DGKI: variants seen among roughly 807,000 people sequenced by gnomAD.
DGKI encodes the protein diacylglycerol kinase iota.
In DGKI, 55 loss-of-function variants were observed where a neutral mutation model predicts 147.5. The observed-to-expected ratio is 0.37, with a 90% CI of 0.30 to 0.47. The LOEUF is 0.47. DGKI is among the 20% of genes least tolerant of loss of function. The pLI is 1.00. For synonymous variants in DGKI, 469 were observed against 477.1 expected (o/e 0.98, Z 0.22); for missense variants, 1,007 against 1,323.8 (o/e 0.76, Z 3.71).
In DGKI at chr7:137,444,069, A is replaced by C. The variant is rs777691059; in HGVS notation, c.2761+8T>G. 12 of 1,563,638 alleles carry C rather than the reference A, an allele frequency of 7.7e-6. No homozygotes were observed. The highest frequency in any genetic ancestry group is 1.0e-5 in the Non-Finnish European group (12 of 1,153,892). On this transcript the variant is annotated splice_region_variant and intron_variant, in intron 28 of 32. Coordinates refer to ENST00000614521, the MANE Select transcript of DGKI (RefSeq NM_001321708.2). ...TGAATTGGTATAAATAAGACAGATG[A>C]TTCTTACCATGATCTTCTGAAGAGA...
At chr7:137,651,728 G>A (rs1822033888) in intron 5 of DGKI, among the ~76,000 whole-genome samples, 1 of 152,124 alleles carries the variant, frequency 6.6e-6, no homozygotes, top group Admixed American at 6.5e-5. Context: ...GAGGTTGGGG[G>A]AGGAAGCAAT....
At chr7:137,806,102 C>G (rs1004039615) in intron 1 of DGKI, among the ~76,000 whole-genome samples, 3 of 152,200 alleles carry the variant, frequency 2.0e-5, no homozygotes, top group African/African-American at 7.2e-5. Context: ...CTCACCGTGC[C>G]CATCCTTCTT....
intron 3 of DGKI, among the ~76,000 whole-genome samples, chr7:137,673,221 G>A (rs181035465): frequency 2.2e-4 from 34 of 152,202 alleles, no homozygotes; most frequent in African/African-American, 5.5e-4. Context: ...GTCCTGAGGC[G>A]TCAGGACTTC....
intron 1 of DGKI, among the ~76,000 whole-genome samples, chr7:137,804,416 A>C (rs1020114636): frequency 6.6e-5 from 10 of 152,226 alleles, no homozygotes; most frequent in Admixed American, 4.6e-4. Flanking sequence ...TGCCCTGTTC[A>C]TTCGTCAGAA....
chr7:137,662,709 C>G (rs1822488084), intron 3 of DGKI, among the ~76,000 whole-genome samples: 1 of 151,342 alleles, frequency 6.6e-6, no homozygotes, highest in African/African-American at 2.5e-5. Context: ...GACCTCACTC[C>G]ATGTTAAAAG....
chr7:137,574,188 G>A (rs1189430006), intron 17 of DGKI, among the ~76,000 whole-genome samples: 1 of 152,028 alleles, frequency 6.6e-6, no homozygotes, highest in African/African-American at 2.4e-5. Flanking sequence ...ATTTTCATGA[G>A]TATTCTCAAA....
Position 137,436,902 on chromosome 7 carries a change from C to A in DGKI, c.2761+7175G>T, listed in dbSNP as rs563600716. On this transcript the variant is annotated intron_variant, in intron 28 of 32. Transcript: ENST00000614521. Reference sequence around the variant, plus strand: ...AACAGACCAAGGGGAAAAAAATTGTCATCTCTCAAGATGAAGAAAAGAGTA... The same window carrying A: ...AACAGACCAAGGGGAAAAAAATTGTAATCTCTCAAGATGAAGAAAAGAGTA... Among the ~76,000 whole-genome samples, 5 of 152,200 alleles carry A rather than the reference C, an allele frequency of 3.3e-5. No homozygotes were observed. In the South Asian group the frequency reaches 1.0e-3, roughly 32 times the overall value.
At chr7:137,672,782 T>C (rs1822894073) in intron 3 of DGKI, among the ~76,000 whole-genome samples, 1 of 142,790 alleles carries the variant, frequency 7.0e-6, no homozygotes, top group East Asian at 2.0e-4. Flanking sequence ...TTTTTTTTTT[T>C]TTTTTTTTTT....
chr7:137,741,413 C>T (rs2116707836), intron 1 of DGKI, among the ~76,000 whole-genome samples: 1 of 152,310 alleles, frequency 6.6e-6, no homozygotes, highest in East Asian at 1.9e-4. Context: ...ATGCGAAAAA[C>T]ATTACCCACA....
intron 5 of DGKI, among the ~76,000 whole-genome samples, chr7:137,653,719 A>G (rs1003521335): frequency 6.6e-6 from 1 of 152,152 alleles, no homozygotes; most frequent in Non-Finnish European, 1.5e-5. Context: ...TGAGGAGTAG[A>G]CCAGCTGGGG....
intron 30 of DGKI, among the ~76,000 whole-genome samples, chr7:137,406,040 T>C (rs1158443109): frequency 6.6e-6 from 1 of 151,944 alleles, no homozygotes; most frequent in African/African-American, 2.4e-5. Flanking sequence ...GTCACTCAAA[T>C]AGATGGCCAG....
At chr7:137,535,934 A>G (rs895999107) in intron 20 of DGKI, among the ~76,000 whole-genome samples, 1 of 152,154 alleles carries the variant, frequency 6.6e-6, no homozygotes, top group South Asian at 2.1e-4. Context: ...ACTTCAAATT[A>G]CTTAGTGGTG....
At chr7:137,541,866 C>T (rs1015471416) in intron 20 of DGKI, among the ~76,000 whole-genome samples, 1 of 151,588 alleles carries the variant, frequency 6.6e-6, no homozygotes, top group Non-Finnish European at 1.5e-5. Context: ...TAACGTAATA[C>T]CAAAACCACA....
chr7:137,392,601 T>C (rs1165899797), intron 32 of DGKI, among the ~76,000 whole-genome samples: 1 of 152,236 alleles, frequency 6.6e-6, no homozygotes, highest in Non-Finnish European at 1.5e-5. Context: ...ACAATGGCTC[T>C]AGAATCTTTC....
intron 27 of DGKI, among the ~76,000 whole-genome samples, chr7:137,461,187 T>C (rs890507819): frequency 2.6e-5 from 4 of 152,180 alleles, no homozygotes; most frequent in African/African-American, 9.7e-5. Flanking sequence ...GAAGATAGTG[T>C]AGGACAATGG....
intron 1 of DGKI, among the ~76,000 whole-genome samples, chr7:137,830,471 T>A (rs1470272309): frequency 6.6e-6 from 1 of 152,230 alleles, no homozygotes; most frequent in African/African-American, 2.4e-5. Flanking sequence ...TGTTTCTAAT[T>A]TGAACAAAGG....
intron 27 of DGKI, among the ~76,000 whole-genome samples, chr7:137,451,342 C>A (rs1188274858): frequency 2.0e-5 from 3 of 152,192 alleles, no homozygotes; most frequent in Non-Finnish European, 2.9e-5. Flanking sequence ...AATCAGGGAA[C>A]AAGACATTCA....
intron 21 of DGKI, among the ~76,000 whole-genome samples, chr7:137,519,465 G>A (rs1034656272): frequency 5.9e-5 from 9 of 151,960 alleles, no homozygotes; most frequent in Non-Finnish European, 8.8e-5. Context: ...ACTGCTCTAG[G>A]TCAGTCATTG....
intron 21 of DGKI, among the ~76,000 whole-genome samples, chr7:137,499,036 T>A (rs1404369015): frequency 6.6e-6 from 1 of 152,186 alleles, no homozygotes; most frequent in Non-Finnish European, 1.5e-5. Context: ...AACTAGAGAC[T>A]CTTTTCAGCT....
Sources: gnomAD v4.1 joint callset for allele counts (sites outside exome capture counted in the v4.1 genomes callset) on GRCh38, gnomAD v4.1.1 for gene constraint, MANE v1.5 for transcripts, NCBI Gene and HGNC (gene_info 2026-07-23, HGNC 2026-07-21) for gene names.